The following RNF168 variants were observed in gnomAD, a reference collection of about 807,000 sequenced individuals.
The protein encoded by RNF168 is ring finger protein 168.
In RNF168, 34 loss-of-function variants were observed where a neutral mutation model predicts 34.9. That is an observed-to-expected ratio of 0.97 (90% CI 0.74 to 1.30). RNF168 has a LOEUF of 1.30. Ranked by LOEUF, RNF168 falls within the 50% of genes most tolerant of loss-of-function variation. The pLI is 0.00. For synonymous variants in RNF168, 264 were observed against 254.7 expected, an observed-to-expected ratio of 1.04 and a Z score of -0.35; for missense variants, 725 against 682.5, an observed-to-expected ratio of 1.06 and a Z score of -0.69.
intron 1 of RNF168, among the ~76,000 whole-genome samples, chr3:196,495,659 T>C (rs1732724415): frequency 6.6e-6 from 1 of 152,252 alleles, no homozygotes; most frequent in African/African-American, 2.4e-5. Flanking sequence ...ACTTCATTAC[T>C]GTGGTAACAG....
At position 196,471,670 on chromosome 3, in the gene RNF168, T is replaced by C. The variant is rs1455632780; in HGVS notation, c.*149A>G. 2 of 693,802 alleles carry C rather than the reference T, an allele frequency of 2.9e-6. No homozygotes were observed. The highest frequency in any genetic ancestry group is 5.2e-6 in the Non-Finnish European group (2 of 383,738). The allele number at this position is 693,802 out of a possible 1,614,324, so 43.0% of individuals were successfully genotyped here. A position where few individuals can be genotyped will look rare whatever the true frequency, so the allele number is the denominator to read the frequency against. On this transcript the variant is annotated 3_prime_UTR_variant, in exon 6 of 6. Transcript: ENST00000318037. ...AGCTGTGCAGAAGCTCATGTGTCTATGCAGTCCTTACAATCACACAGACCT... is the reference window on the plus strand; with the variant it reads ...AGCTGTGCAGAAGCTCATGTGTCTACGCAGTCCTTACAATCACACAGACCT...
At chr3:196,473,141 A>G (rs1039557977) in intron 5 of RNF168, among the ~76,000 whole-genome samples, 1 of 152,170 alleles carries the variant, frequency 6.6e-6, no homozygotes, top group Non-Finnish European at 1.5e-5. Context: ...CACAGACTAG[A>G]TTCCAAATAT....
At chr3:196,490,980 T>G (rs909351484) in intron 1 of RNF168, among the ~76,000 whole-genome samples, 3 of 152,326 alleles carry the variant, frequency 2.0e-5, no homozygotes, top group African/African-American at 7.2e-5. Context: ...ATCTGAGACT[T>G]TTTTTCAGGG....
chr3:196,487,991 C>T (rs890921584), intron 2 of RNF168, among the ~76,000 whole-genome samples: 3 of 152,168 alleles, frequency 2.0e-5, no homozygotes, highest in African/African-American at 4.8e-5. Flanking sequence ...TAAACTCACA[C>T]TCTACCACCC....
At chr3:196,494,743 CAG>C (rs1471057138) in intron 1 of RNF168, among the ~76,000 whole-genome samples, 1 of 152,188 alleles carries the variant, frequency 6.6e-6, no homozygotes, top group East Asian at 1.9e-4. Flanking sequence ...AAATGGCAAT[CAG>C]GGGCAAAGTG....
In RNF168 at chr3:196,503,237, C is replaced by CCGGGCGCGGTGGCT; in HGVS notation, c.-65_-64insAGCCACCGCGCCCG. ...GCACGAAAAAGAATCCTATTTTCGG[C>CCGGGCGCGGTGGCT]CAACCACAGAGAGAGCAAAAGCAGT... is the stretch of plus-strand genomic sequence containing the variant. On this transcript the variant is annotated 5_prime_UTR_variant, in exon 1 of 6. Coordinates refer to ENST00000318037, the MANE Select transcript of RNF168 (RefSeq NM_152617.4). The CCGGGCGCGGTGGCT allele has an allele frequency of 6.9e-7, 1 of 1,454,778 alleles. No individual in the cohort carries two copies. The highest frequency in any genetic ancestry group is 9.6e-7 in the Non-Finnish European group (1 of 1,038,646). 90.1% of individuals were successfully genotyped at this position (1,454,778 alleles called of 1,614,324 possible).
chr3:196,483,754 A>G lies in RNF168; in HGVS notation c.680+16T>C. Reference sequence around the variant, plus strand: ...AGTAGGAGGTCAACAAATAATTCATAGTCATGTTCACTTACTTCTGAATAT... The same window carrying G: ...AGTAGGAGGTCAACAAATAATTCATGGTCATGTTCACTTACTTCTGAATAT... On this transcript the variant is annotated intron_variant, in intron 4 of 5. Coordinates refer to ENST00000318037, the MANE Select transcript of RNF168 (RefSeq NM_152617.4). 1 of 1,605,272 alleles carries G rather than the reference A, an allele frequency of 6.2e-7. No individual in the cohort carries two copies. The highest frequency in any genetic ancestry group is 2.2e-5 in the East Asian group (1 of 44,786).
chr3:196,481,857 T>C (rs1007076355), intron 4 of RNF168, among the ~76,000 whole-genome samples: 2 of 151,816 alleles, frequency 1.3e-5, no homozygotes, highest in African/African-American at 4.8e-5. Flanking sequence ...TCTTACTATG[T>C]TGCCCAGGCT....
chr3:196,482,482 T>C (rs573983011), intron 4 of RNF168, among the ~76,000 whole-genome samples: 1 of 152,332 alleles, frequency 6.6e-6, no homozygotes, highest in African/African-American at 2.4e-5. Context: ...AATTGCTGGG[T>C]CATATGCTAA....
intron 1 of RNF168, among the ~76,000 whole-genome samples, chr3:196,489,223 C>T (rs1298194213): frequency 6.6e-6 from 1 of 152,026 alleles, no homozygotes; most frequent in Non-Finnish European, 1.5e-5. Context: ...AATGCATATA[C>T]TTAACCCTTC....
Position 196,471,745 on chromosome 3 carries a change from A to G in RNF168, c.*74T>C. Reference sequence around the variant, plus strand: ...AGAGAGCAGCATGAATGACACATGGATGAAGATTCCATGATAGGAAAGAGC... The same window carrying G: ...AGAGAGCAGCATGAATGACACATGGGTGAAGATTCCATGATAGGAAAGAGC... On this transcript the variant is annotated 3_prime_UTR_variant, in exon 6 of 6. Coordinates refer to ENST00000318037, the MANE Select transcript of RNF168 (RefSeq NM_152617.4). 2.0e-6 allele frequency: 2 copies of G among 979,218 alleles called. No homozygotes were observed. The highest frequency in any genetic ancestry group is 3.3e-6 in the Non-Finnish European group (2 of 604,986). The allele number at this position is 979,218 out of a possible 1,614,324, so 60.7% of individuals were successfully genotyped here.
intron 2 of RNF168, 115 bp from the exon 3 acceptor site, chr3:196,487,693 T>G: frequency 1.0e-6 from 1 of 994,682 alleles, no homozygotes; most frequent in South Asian, 1.4e-5. Context: ...ATTTAAATGA[T>G]CTCAAATGAA....
chr3:196,485,239 G>T (rs767758818), intron 3 of RNF168, among the ~76,000 whole-genome samples: 1 of 152,160 alleles, frequency 6.6e-6, no homozygotes, highest in Non-Finnish European at 1.5e-5. Context: ...TGGGCATGGT[G>T]GTTCATGCCT....
In RNF168 at chr3:196,488,640, T is replaced by A; in HGVS notation, c.345A>T (p.Glu115Asp). ...TTTCCTCTTCATATTCTCTTCTCAG[T>A]TCCCCAGGTTTACTGAGCAGACGAA... ...QPVRLLSKPG[E>D]LRREYEEEIS... The change falls in exon 2 of 6, where the codon GAA (glutamate) becomes GAT (aspartate). Residue 115 changes from glutamate to aspartate, a missense_variant. Transcript: ENST00000318037. The A allele has an allele frequency of 6.2e-7, 1 of 1,609,076 alleles. No homozygotes were observed. The highest frequency in any genetic ancestry group is 8.5e-7 in the Non-Finnish European group (1 of 1,175,754).
intron 4 of RNF168, among the ~76,000 whole-genome samples, chr3:196,476,415 CTTCT>C (rs1423797995): frequency 1.5e-5 from 2 of 131,268 alleles, no homozygotes; most frequent in African/African-American, 5.6e-5. Flanking sequence ...TATCAACTCT[CTTCT>C]TTTTTTTTTT....
chr3:196,491,036 T>G (rs914466070), intron 1 of RNF168, among the ~76,000 whole-genome samples: 9 of 152,164 alleles, frequency 5.9e-5, no homozygotes, highest in African/African-American at 9.6e-5. Context: ...TAAAGTAAGC[T>G]GGGAGCGGTG....
intron 1 of RNF168, among the ~76,000 whole-genome samples, chr3:196,496,889 A>G (rs1442921363): frequency 3.3e-5 from 5 of 152,230 alleles, no homozygotes; most frequent in African/African-American, 4.8e-5. Flanking sequence ...TCACGCCTGT[A>G]ATCCCAGCAC....
chr3:196,489,081 C>T (rs971333783), intron 1 of RNF168, among the ~76,000 whole-genome samples: 1 of 152,064 alleles, frequency 6.6e-6, no homozygotes, highest in African/African-American at 2.4e-5. Context: ...GTCTCGAGCT[C>T]CTGACCTCAA....
intron 1 of RNF168, among the ~76,000 whole-genome samples, chr3:196,492,967 G>A (rs769586128): frequency 6.7e-6 from 1 of 148,192 alleles, no homozygotes; most frequent in African/African-American, 2.6e-5. Flanking sequence ...CGAATTCAAG[G>A]TGGATTAAAA....
Sources: gnomAD v4.1 joint callset for allele counts (sites outside exome capture counted in the v4.1 genomes callset) on GRCh38, gnomAD v4.1.1 for gene constraint, MANE v1.5 for transcripts, NCBI Gene and HGNC (gene_info 2026-07-23, HGNC 2026-07-21) for gene names.